Variants in RBFOX2 observed in about 807,000 individuals in gnomAD.
RBFOX2 encodes RNA binding protein fox-1 homolog 2.
Under a neutral mutation model 49.1 loss-of-function variants are expected in RBFOX2, and 10 were observed. That is an observed-to-expected ratio of 0.20 (90% CI 0.13 to 0.35). The LOEUF is 0.35. Among genes scored for constraint, RBFOX2 ranks in the 10% least tolerant of loss-of-function variants. The pLI, the probability that RBFOX2 is intolerant of heterozygous loss-of-function variation, is 1.00. For synonymous variants in RBFOX2, 183 were observed against 187.4 expected (o/e 0.98, Z 0.19); for missense variants, 323 against 486.9 (o/e 0.66, Z 3.17).
At chr22:35,825,052 T>C (rs1197229054) in intron 1 of RBFOX2, among the ~76,000 whole-genome samples, 3 of 152,180 alleles carry the variant, frequency 2.0e-5, no homozygotes, top group Admixed American at 2.0e-4. Flanking sequence ...AAACCCCGTC[T>C]CTACTAAAAA....
chr22:35,958,697 C>A (rs1341361789), intron 1 of RBFOX2, among the ~76,000 whole-genome samples: 1 of 152,180 alleles, frequency 6.6e-6, no homozygotes, highest in Non-Finnish European at 1.5e-5. Flanking sequence ...TTGCTTGGAA[C>A]CAATCTAAAA....
intron 1 of RBFOX2, among the ~76,000 whole-genome samples, chr22:35,975,668 C>CTTTTAT: frequency 6.6e-6 from 1 of 151,758 alleles, no homozygotes; most frequent in East Asian, 1.9e-4. Context: ...GATCTATGAT[C>CTTTTAT]TTTTATTGTC....
intron 9 of RBFOX2, chr22:35,747,231 G>C (rs1185173814): frequency 1.3e-5 from 2 of 152,166 alleles, no homozygotes; most frequent in Non-Finnish European, 2.9e-5. Context: ...TTTACCACTT[G>C]GCCCTTTACG....
chr22:35,805,603 A>G (rs1230500606), intron 2 of RBFOX2, among the ~76,000 whole-genome samples: 2 of 152,150 alleles, frequency 1.3e-5, no homozygotes, highest in African/African-American at 4.8e-5. Context: ...TTATCATATG[A>G]TCCAGCAATC....
intron 1 of RBFOX2, among the ~76,000 whole-genome samples, chr22:35,927,068 G>C (rs187257121): frequency 6.6e-6 from 1 of 152,086 alleles, no homozygotes; most frequent in East Asian, 1.9e-4. Context: ...CCTAGTCCTC[G>C]CAGTATTTCC....
chr22:35,945,449 C>CT (rs557539949), intron 1 of RBFOX2, among the ~76,000 whole-genome samples: 36 of 151,812 alleles, frequency 2.4e-4, no homozygotes, highest in Non-Finnish European at 4.4e-4. Context: ...AAATATATAC[C>CT]TTTTTTTTGA....
chr22:35,830,629 A>C (rs544017280), intron 1 of RBFOX2, among the ~76,000 whole-genome samples: 13 of 152,328 alleles, frequency 8.5e-5, no homozygotes, highest in African/African-American at 2.9e-4. Flanking sequence ...GACTATACTG[A>C]ATACTGTAGG....
At chr22:35,906,402 C>T (rs1182997214) in intron 1 of RBFOX2, among the ~76,000 whole-genome samples, 1 of 151,918 alleles carries the variant, frequency 6.6e-6, no homozygotes, top group Non-Finnish European at 1.5e-5. Flanking sequence ...GTTCTCTATC[C>T]CTAAGAAATG....
intron 1 of RBFOX2, among the ~76,000 whole-genome samples, chr22:35,921,359 G>T (rs2051002096): frequency 6.6e-6 from 1 of 152,162 alleles, no homozygotes; most frequent in South Asian, 2.1e-4. Context: ...ACAGATTACT[G>T]GACCCCATCC....
intron 1 of RBFOX2, among the ~76,000 whole-genome samples, chr22:35,972,368 A>T (rs2056924458): frequency 6.6e-6 from 1 of 152,018 alleles, no homozygotes; most frequent in South Asian, 2.1e-4. Context: ...ATATGTTTCC[A>T]TTCACAATCC....
chr22:35,843,802 C>T (rs2040822030), upstream of RBFOX2, among the ~76,000 whole-genome samples: 2 of 152,154 alleles, frequency 1.3e-5, 1 homozygote, highest in South Asian at 4.1e-4. Flanking sequence ...GTGCATGGTT[C>T]CTAACACAGG....
chr22:35,894,515 C>A (rs542834481), intron 1 of RBFOX2, among the ~76,000 whole-genome samples: 9 of 152,250 alleles, frequency 5.9e-5, no homozygotes, highest in Non-Finnish European at 1.2e-4. Flanking sequence ...CTGAAGCAAC[C>A]AGCTCACAAC....
intron 1 of RBFOX2, among the ~76,000 whole-genome samples, chr22:35,950,747 T>C (rs953436159): frequency 2.0e-5 from 3 of 152,130 alleles, no homozygotes; most frequent in African/African-American, 4.8e-5. Flanking sequence ...TTTGGTGGTA[T>C]TGAGGGAGAC....
At chr22:35,980,878 C>T (rs2150060345) in intron 1 of RBFOX2, among the ~76,000 whole-genome samples, 1 of 152,194 alleles carries the variant, frequency 6.6e-6, no homozygotes, top group African/African-American at 2.4e-5. Flanking sequence ...TACCATTTGG[C>T]TGAGATCTAA....
intron 1 of RBFOX2, among the ~76,000 whole-genome samples, chr22:35,873,687 G>A (rs967213346): frequency 3.9e-5 from 6 of 152,100 alleles, no homozygotes; most frequent in African/African-American, 1.2e-4. Flanking sequence ...TGAGACTGCA[G>A]AACAACTAGA....
intron 1 of RBFOX2, among the ~76,000 whole-genome samples, chr22:35,948,421 A>G (rs1462274979): frequency 6.6e-6 from 1 of 152,224 alleles, no homozygotes; most frequent in Non-Finnish European, 1.5e-5. Context: ...AATTCTGGCC[A>G]GGCACAGTGA....
intron 9 of RBFOX2, among the ~76,000 whole-genome samples, chr22:35,757,854 C>A (rs1406147106): frequency 6.6e-6 from 1 of 152,038 alleles, no homozygotes; most frequent in Non-Finnish European, 1.5e-5. Flanking sequence ...AGCACTGAGA[C>A]CAAGTGGTGA....
chr22:35,972,718 C>G (rs2056947039), intron 1 of RBFOX2, among the ~76,000 whole-genome samples: 1 of 152,182 alleles, frequency 6.6e-6, no homozygotes. Context: ...TTATTACCTA[C>G]CAAAGACTGT....
chr22:35,983,844 G>A (rs1603461983), intron 1 of RBFOX2, among the ~76,000 whole-genome samples: 1 of 152,160 alleles, frequency 6.6e-6, no homozygotes, highest in African/African-American at 2.4e-5. Context: ...GAAAGCTAGA[G>A]TCGATGAATA....
Sources: gnomAD v4.1 joint callset for allele counts (sites outside exome capture counted in the v4.1 genomes callset) on GRCh38, gnomAD v4.1.1 for gene constraint, MANE v1.5 for transcripts, NCBI Gene and HGNC (gene_info 2026-07-23, HGNC 2026-07-21) for gene names.